The following TNRC18 variants were observed in gnomAD, a reference collection of about 807,000 sequenced individuals.
TNRC18 encodes the protein trinucleotide repeat containing 18, also known as trinucleotide repeat-containing gene 18 protein.
Under a neutral mutation model 226.7 loss-of-function variants are expected in TNRC18, and 69 were observed. The ratio of observed to expected loss-of-function variants is 0.30; its 90% confidence interval spans 0.25 to 0.37. The LOEUF is 0.37. Among genes scored for constraint, TNRC18 ranks in the 10% least tolerant of loss-of-function variants. The probability of loss-of-function intolerance (pLI) is 1.00; values close to 1 mark genes in which losing one functional copy is unlikely to be tolerated. For synonymous variants in TNRC18, 2,449 were observed against 1,927.6 expected, an observed-to-expected ratio of 1.27 and a Z score of -7.09; for missense variants, 4,754 against 4,256.6, an observed-to-expected ratio of 1.12 and a Z score of -3.25.
chr7:5,324,514 G>A lies in TNRC18; in HGVS notation c.6301-159C>T, dbSNP rs552533259. On this transcript the variant is annotated intron_variant, in intron 20 of 29. Coordinates refer to ENST00000430969, the MANE Select transcript of TNRC18 (RefSeq NM_001080495.3). The surrounding 1 kb of genome is among the most constrained non-coding windows in gnomAD (Gnocchi z 4.8). ...AGTTAGGGGCACCCCAGAGGCCAGG[G>A]GGAAGGTGAAATGGGCCCAAAACCC... Among the ~76,000 whole-genome samples the A allele has an allele frequency of 2.3e-4, 35 of 152,306 alleles. No homozygotes were observed. The highest frequency in any genetic ancestry group is 4.1e-4 in the South Asian group (2 of 4,828).
At chr7:5,413,542 T>C (rs915347642) in intron 2 of TNRC18, among the ~76,000 whole-genome samples, 1 of 152,222 alleles carries the variant, frequency 6.6e-6, no homozygotes, top group Non-Finnish European at 1.5e-5. Context: ...CTTTTATGTT[T>C]TGACACAGGG....
rs1415263925 is a variant in TNRC18 at position 5,370,354 on chromosome 7, TCA to T, written c.4219+19_4219+20del. On this transcript the variant is annotated intron_variant, in intron 11 of 29. Transcript: ENST00000430969. The stretch of plus-strand genomic sequence containing the variant: ...ACTAAAACTCACGAATCTGCAGAAC[TCA>T]GAGGTCGCGCACTCTCACCTCCCAT... 14 of 1,530,378 alleles carry T rather than the reference TCA, an allele frequency of 9.1e-6. No homozygotes were observed. Among genetic ancestry groups the T allele is most frequent in the African/African-American group, 1.4e-5 (1 of 72,860 alleles). 94.8% of individuals were successfully genotyped at this position (1,530,378 alleles called of 1,614,324 possible). A position where few individuals can be genotyped will look rare whatever the true frequency, so the allele number is the denominator to read the frequency against.
intron 17 of TNRC18, among the ~76,000 whole-genome samples, chr7:5,348,637 G>A (rs1021410328): frequency 4.9e-5 from 7 of 142,810 alleles, no homozygotes; most frequent in East Asian, 4.9e-4. Flanking sequence ...TGAGGAGTCC[G>A]CAGAGGAGTA....
intron 4 of TNRC18, chr7:5,390,169 T>C (rs952858092): frequency 1.7e-5 from 8 of 469,056 alleles, no homozygotes; most frequent in African/African-American, 1.2e-4. Context: ...TTTGAAACCA[T>C]CCTGGGCAAC....
rs1321014291 is a variant in TNRC18, at chr7:5,313,215, C to T, written c.7676G>A (p.Ser2559Asn). The change falls in exon 27 of 30, where the codon AGC becomes AAC. Residue 2559 changes from serine (S) to asparagine (N), a missense_variant. By Grantham distance (46) the Ser-to-Asn change is conservative. Transcript: ENST00000430969. Reference sequence around the variant, plus strand: ...GCTGCCACTACTGCTGCTGCTGCTGCTCTCGGACTCTTCGGCCCCGTCCTG... The same window carrying T: ...GCTGCCACTACTGCTGCTGCTGCTGTTCTCGGACTCTTCGGCCCCGTCCTG... ...AEQDGAEESESSSSSSSGSSS... is the reference protein window; with the variant it reads ...AEQDGAEESENSSSSSSGSSS... 1.9e-6 allele frequency: 3 copies of T among 1,548,860 alleles called. No homozygotes were observed. Among genetic ancestry groups the T allele is most frequent in the East Asian group, 4.9e-5 (2 of 40,908 alleles).
chr7:5,419,862 G>C (rs999655906), intron 2 of TNRC18: 1 of 152,426 alleles, frequency 6.6e-6, no homozygotes, highest in Non-Finnish European at 1.5e-5. Flanking sequence ...GGCGAGCTCC[G>C]CCGAGCGGGC....
intron 11 of TNRC18, among the ~76,000 whole-genome samples, chr7:5,367,604 T>C (rs1258155085): frequency 2.0e-5 from 3 of 151,434 alleles, no homozygotes; most frequent in African/African-American, 2.4e-5. Context: ...ATTTTTGTAT[T>C]TTTAGTAGAG....
chr7:5,332,907 G>T lies in TNRC18; in HGVS notation c.5862C>A (p.Asp1954Glu), dbSNP rs766889954. 6.5e-7 allele frequency: 1 copy of T among 1,537,816 alleles called. No homozygotes were observed. Among genetic ancestry groups the T allele is most frequent in the Non-Finnish European group, 8.7e-7 (1 of 1,149,350 alleles). ...AAPTPGARGP[D>E]PSSPDKAKLA... ...GCTTGGCCTTGTCTGGGCTGCTGGGGTCGGGACCGCGGGCGCCAGGCGTGG... is the reference window on the plus strand; with the variant it reads ...GCTTGGCCTTGTCTGGGCTGCTGGGTTCGGGACCGCGGGCGCCAGGCGTGG... The change falls in exon 19 of 30, where the codon GAC becomes GAA. Residue 1954 changes from aspartate (D) to glutamate (E), a missense_variant. By Grantham distance (45) the Asp-to-Glu change is conservative. Coordinates refer to ENST00000430969, the MANE Select transcript of TNRC18 (RefSeq NM_001080495.3).
At chr7:5,369,220 T>A (rs1793926319) in intron 11 of TNRC18, among the ~76,000 whole-genome samples, 1 of 152,068 alleles carries the variant, frequency 6.6e-6, no homozygotes, top group Non-Finnish European at 1.5e-5. Flanking sequence ...TGGTGGCACA[T>A]GCCTGTAATC....
At chr7:5,414,900 G>C (rs1019488653) in intron 2 of TNRC18, among the ~76,000 whole-genome samples, 1 of 152,176 alleles carries the variant, frequency 6.6e-6, no homozygotes, top group Non-Finnish European at 1.5e-5. Context: ...AGATCCAATA[G>C]AGAGCCATAC....
At chr7:5,366,307 T>G (rs1163453152) in intron 11 of TNRC18, among the ~76,000 whole-genome samples, 1 of 142,342 alleles carries the variant, frequency 7.0e-6, no homozygotes, top group Non-Finnish European at 1.5e-5. Context: ...CTTGTTTTGC[T>G]CTTCTTATAT....
At chr7:5,418,500 T>C (rs971299919) in intron 2 of TNRC18, among the ~76,000 whole-genome samples, 1 of 151,980 alleles carries the variant, frequency 6.6e-6, no homozygotes, top group African/African-American at 2.4e-5. Flanking sequence ...AGCTCTGAGC[T>C]CTCTCCAGGG....
chr7:5,313,262 G>A lies in TNRC18; in HGVS notation c.7629C>T (p.Ser2543=). 6.5e-7 allele frequency: 1 copy of A among 1,548,756 alleles called. No individual in the cohort carries two copies. Among genetic ancestry groups the A allele is most frequent in the Non-Finnish European group, 8.7e-7 (1 of 1,146,640 alleles). ...LTFEDSGNPK[S]PDKAQAEQDG... is the part of the protein sequence containing the mutation. ...CCTGCTCAGCCTGGGCCTTGTCTGG[G>A]CTCTTGGGGTTCCCAGAGTCCTCGA... Residue 2543 remains serine, a synonymous_variant, in exon 27 of 30, where the codon AGC becomes AGT. Coordinates refer to ENST00000430969, the MANE Select transcript of TNRC18 (RefSeq NM_001080495.3).
chr7:5,362,097 C>T, intron 12 of TNRC18, 64 bp from the exon 13 acceptor site: 1 of 1,577,174 alleles, frequency 6.3e-7, no homozygotes, highest in Non-Finnish European at 8.6e-7. Context: ...CGCCCACCGC[C>T]CACCCAGGGG....
rs543683198 is a variant in TNRC18, at chr7:5,315,631, C to T, written c.6862+325G>A. ...TAGAGACAGGGTTTCACCATATTGG[C>T]TGGGATGGTCTCGATCTCTTGACCT... On this transcript the variant is annotated intron_variant, in intron 25 of 29. Transcript: ENST00000430969. 4.6e-5 allele frequency among the ~76,000 whole-genome samples: 7 copies of T among 152,294 alleles called. No individual in the cohort carries two copies. In the South Asian group the frequency reaches 1.5e-3, roughly 32 times the overall value.
In TNRC18 at chr7:5,376,750, G is replaced by A. The variant is rs185004122; in HGVS notation, c.2608+97C>T. On this transcript the variant is annotated intron_variant, in intron 8 of 29. Transcript: ENST00000430969. The stretch of plus-strand genomic sequence containing the variant: ...CCGCCTCCCCAGCCCCAGATCTGCC[G>A]GCCGCCACCCCTCAGCAGGAAGCCC... 1.5e-3 allele frequency: 2,184 copies of A among 1,459,970 alleles called. 29 individuals carry two copies. Among genetic ancestry groups the A allele is most frequent in the South Asian group, 2.9e-4 (23 of 78,266 alleles). 90.4% of individuals were successfully genotyped at this position (1,459,970 alleles called of 1,614,324 possible).
At chr7:5,361,489 G>A (rs1793042960) in intron 14 of TNRC18, 105 bp downstream of exon 14, 2 of 1,345,868 alleles carry the variant, frequency 1.5e-6, no homozygotes, top group South Asian at 1.6e-5. Flanking sequence ...CAGAGCCCGA[G>A]GGACGCGAGG....
chr7:5,352,135 C>T (rs1037056079), intron 16 of TNRC18, 41 bp from the exon 17 acceptor site: 1 of 1,545,134 alleles, frequency 6.5e-7, no homozygotes, highest in Non-Finnish European at 8.7e-7. Context: ...AGTCACAGGG[C>T]AGCAGGAGCT....
chr7:5,347,107 C>G (rs1273315537), intron 17 of TNRC18, among the ~76,000 whole-genome samples: 2 of 151,890 alleles, frequency 1.3e-5, no homozygotes, highest in Non-Finnish European at 2.9e-5. Flanking sequence ...CTCTGAGAGG[C>G]TGAGGCGGGA....
Sources: gnomAD v4.1 joint callset for allele counts (sites outside exome capture counted in the v4.1 genomes callset) on GRCh38, gnomAD v4.1.1 for gene constraint, Gnocchi (gnomAD v3.1) non-coding constraint, MANE v1.5 for transcripts, NCBI Gene and HGNC (gene_info 2026-07-23, HGNC 2026-07-21) for gene names.